Variants in XKR6 observed in about 807,000 individuals in gnomAD.
XKR6 encodes XK-related protein 6.
A neutral mutation model predicts 56.7 loss-of-function variants in XKR6; 22 were observed. The ratio of observed to expected loss-of-function variants is 0.39; its 90% confidence interval spans 0.28 to 0.55. The LOEUF (loss-of-function observed/expected upper bound fraction) is 0.55. XKR6 is among the 20% of genes least tolerant of loss of function. The pLI is 0.66. For synonymous variants in XKR6, 524 were observed against 387.8 expected, an observed-to-expected ratio of 1.35 and a Z score of -4.13; for missense variants, 852 against 889.0, an observed-to-expected ratio of 0.96 and a Z score of 0.53.
At chr8:11,049,437 C>A (rs1220534051) in intron 1 of XKR6, among the ~76,000 whole-genome samples, 1 of 152,182 alleles carries the variant, frequency 6.6e-6, no homozygotes, top group Non-Finnish European at 1.5e-5. Context: ...CCGGGGCTGG[C>A]TGCTCCCTGC....
At chr8:11,142,884 G>A (rs776425599) in intron 1 of XKR6, among the ~76,000 whole-genome samples, 3 of 152,174 alleles carry the variant, frequency 2.0e-5, no homozygotes, top group Non-Finnish European at 4.4e-5. Flanking sequence ...CGACTATGCT[G>A]AAAGCTCTGA....
chr8:11,185,191 T>C (rs934243379), intron 1 of XKR6, among the ~76,000 whole-genome samples: 5 of 152,172 alleles, frequency 3.3e-5, no homozygotes, highest in African/African-American at 7.2e-5. Flanking sequence ...GCTCCTAGGA[T>C]AGGCTCTGAC....
chr8:11,023,963 T>C (rs1031160870), intron 1 of XKR6, among the ~76,000 whole-genome samples: 2 of 152,192 alleles, frequency 1.3e-5, no homozygotes, highest in African/African-American at 4.8e-5. Context: ...GGGGGAATTG[T>C]GGCTGCAGAT....
intron 1 of XKR6, among the ~76,000 whole-genome samples, chr8:11,028,698 C>T (rs755740108): frequency 2.6e-5 from 4 of 152,138 alleles, no homozygotes; most frequent in African/African-American, 7.2e-5. Context: ...GTACCTTTGC[C>T]GCTTACTAAT....
intron 1 of XKR6, among the ~76,000 whole-genome samples, chr8:10,951,835 C>A (rs1192362424): frequency 2.0e-5 from 3 of 152,060 alleles, no homozygotes; most frequent in Non-Finnish European, 4.4e-5. Flanking sequence ...GAGTGGGGAG[C>A]CCGGACCAAG....
intron 1 of XKR6, among the ~76,000 whole-genome samples, chr8:10,963,378 C>T (rs1237354939): frequency 1.3e-5 from 2 of 152,196 alleles, no homozygotes; most frequent in Non-Finnish European, 2.9e-5. Flanking sequence ...ATCTGCTGTA[C>T]TTTTTTCCAT....
chr8:11,033,108 G>T (rs570354915), intron 1 of XKR6, among the ~76,000 whole-genome samples: 5 of 151,652 alleles, frequency 3.3e-5, no homozygotes, highest in Middle Eastern at 6.8e-3. Flanking sequence ...TGATGAAGAG[G>T]ATGAAGATTA....
intron 1 of XKR6, among the ~76,000 whole-genome samples, chr8:11,114,725 ATATGTGTG>A (rs1291809482): frequency 0.017 from 1,343 of 77,686 alleles, 35 homozygotes; most frequent in African/African-American, 0.073. Context: ...CTTAGATCAC[ATATGTGTG>A]TGTGTGTGTG....
chr8:10,995,178 G>A (rs1414626898), intron 1 of XKR6, among the ~76,000 whole-genome samples: 1 of 151,980 alleles, frequency 6.6e-6, no homozygotes, highest in African/African-American at 2.4e-5. Context: ...GTGTATGCCG[G>A]TAAGAGGCAG....
intron 1 of XKR6, chr8:11,194,844 G>C (rs1803784284): frequency 2.5e-6 from 1 of 406,396 alleles, no homozygotes; most frequent in Non-Finnish European, 4.4e-6. Flanking sequence ...AGGAGCACCA[G>C]CCTTCTTACA....
At chr8:11,113,826 C>T (rs1799023922) in intron 1 of XKR6, 1 of 170,158 alleles carries the variant, frequency 5.9e-6, no homozygotes, top group African/African-American at 2.4e-5. Context: ...TTTTGTAAAA[C>T]ATTTGAGCTA....
At chr8:11,091,810 T>C (rs1798082250) in intron 1 of XKR6, among the ~76,000 whole-genome samples, 1 of 152,212 alleles carries the variant, frequency 6.6e-6, no homozygotes, top group Non-Finnish European at 1.5e-5. Flanking sequence ...ATCCTGCCCA[T>C]GGGACTGTTC....
At chr8:11,100,196 G>T (rs892972119) in intron 1 of XKR6, among the ~76,000 whole-genome samples, 2 of 152,100 alleles carry the variant, frequency 1.3e-5, no homozygotes, top group Non-Finnish European at 2.9e-5. Flanking sequence ...GGGACTACAG[G>T]CATAAGCCAT....
intron 1 of XKR6, among the ~76,000 whole-genome samples, chr8:11,000,566 T>A (rs1268640882): frequency 6.6e-6 from 1 of 152,196 alleles, no homozygotes; most frequent in East Asian, 1.9e-4. Flanking sequence ...ACGCCTGTAG[T>A]CCCAGCTACT....
At position 10,897,887 on chromosome 8, in the gene XKR6, T is replaced by C. The variant is rs2129106288; in HGVS notation, c.*65A>G. 1 of 1,510,226 alleles carries C rather than the reference T, an allele frequency of 6.6e-7. No individual in the cohort carries two copies. The allele number at this position is 1,510,226 out of a possible 1,614,324, so 93.6% of individuals were successfully genotyped here. On this transcript the variant is annotated 3_prime_UTR_variant, in exon 3 of 3. Coordinates refer to ENST00000416569, the MANE Select transcript of XKR6 (RefSeq NM_173683.4). ...TATTGGGGGAAGGGAGGGTTATATTTCTTGCAAGTGCTGTTTGCCGCAAAC... is the reference window on the plus strand; with the variant it reads ...TATTGGGGGAAGGGAGGGTTATATTCCTTGCAAGTGCTGTTTGCCGCAAAC...
intron 1 of XKR6, among the ~76,000 whole-genome samples, chr8:10,968,241 G>T (rs1332070431): frequency 6.6e-6 from 1 of 152,166 alleles, no homozygotes; most frequent in Admixed American, 6.5e-5. Context: ...TCCGTCCTCC[G>T]TCAGCTGCCC....
At chr8:10,932,346 T>C (rs1455711252) in intron 1 of XKR6, among the ~76,000 whole-genome samples, 1 of 152,180 alleles carries the variant, frequency 6.6e-6, no homozygotes, top group Non-Finnish European at 1.5e-5. Flanking sequence ...CATAGTTCCC[T>C]TTCTAGGTAT....
intron 1 of XKR6, among the ~76,000 whole-genome samples, chr8:11,122,014 A>T (rs73547404): frequency 5.3e-5 from 8 of 152,246 alleles, no homozygotes; most frequent in Non-Finnish European, 1.2e-4. Flanking sequence ...GAAGGGGAAC[A>T]TCACACACAA....
intron 1 of XKR6, among the ~76,000 whole-genome samples, chr8:11,164,066 C>T (rs61063469): frequency 0.067 from 10,129 of 152,228 alleles, 802 homozygotes; most frequent in African/African-American, 0.19. Context: ...AATCCCCCTG[C>T]CTACAGTGGG....
Sources: allele counts gnomAD v4.1 joint callset (sites outside exome capture counted in the v4.1 genomes callset), GRCh38; gene constraint gnomAD v4.1.1; transcripts MANE v1.5; gene names NCBI Gene and HGNC (gene_info 2026-07-23, HGNC 2026-07-21).